Variants in GPC5 observed in about 807,000 individuals in gnomAD.
GPC5 encodes the protein glypican-5.
In GPC5, 47 loss-of-function variants were observed where a neutral mutation model predicts 53.9. The observed-to-expected ratio is 0.87, with a 90% CI of 0.69 to 1.11. The LOEUF (loss-of-function observed/expected upper bound fraction) is 1.11. GPC5 is among the 50% of genes most tolerant of loss of function. GPC5 has a pLI of 0.00. For missense variants in GPC5, 748 were observed against 713.1 expected, an observed-to-expected ratio of 1.05 and a Z score of -0.56; for synonymous variants, 286 against 263.3, an observed-to-expected ratio of 1.09 and a Z score of -0.84.
chr13:92,549,875 A>G (rs1882247764), intron 7 of GPC5, among the ~76,000 whole-genome samples: 1 of 98,782 alleles, frequency 1.0e-5, no homozygotes, highest in Non-Finnish European at 2.1e-5. Context: ...CTTTTACCAA[A>G]CACACACATA....
At chr13:92,550,123 AT>A (rs1882262618) in intron 7 of GPC5, among the ~76,000 whole-genome samples, 1 of 151,866 alleles carries the variant, frequency 6.6e-6, no homozygotes, top group East Asian at 1.9e-4. Flanking sequence ...TGAAATTTTT[AT>A]TTCTACATGT....
At chr13:91,808,754 T>TTGG (rs2038263385) in intron 5 of GPC5, among the ~76,000 whole-genome samples, 2 of 152,258 alleles carry the variant, frequency 1.3e-5, no homozygotes, top group Admixed American at 1.3e-4. Context: ...ACACGGCTTG[T>TTGG]CATTGGAGGA....
At chr13:91,909,991 A>G (rs1243492771) in intron 6 of GPC5, among the ~76,000 whole-genome samples, 1 of 152,132 alleles carries the variant, frequency 6.6e-6, no homozygotes, top group Non-Finnish European at 1.5e-5. Flanking sequence ...ATTCATGCTT[A>G]AGTTTCATTC....
intron 7 of GPC5, among the ~76,000 whole-genome samples, chr13:92,822,221 A>T (rs1250447936): frequency 1.3e-5 from 2 of 152,146 alleles, no homozygotes; most frequent in Non-Finnish European, 2.9e-5. Context: ...CTGTCAAATT[A>T]TAACTATGCA....
intron 6 of GPC5, among the ~76,000 whole-genome samples, chr13:92,054,098 T>C (rs992326035): frequency 5.3e-5 from 8 of 151,440 alleles, no homozygotes; most frequent in African/African-American, 9.7e-5. Flanking sequence ...GAGGCAGGAA[T>C]GGAGAAGACA....
chr13:92,366,754 G>GA (rs199867372), intron 7 of GPC5, among the ~76,000 whole-genome samples: 2,107 of 152,170 alleles, frequency 0.014, 49 homozygotes, highest in African/African-American at 0.048. Flanking sequence ...CTACACTTAA[G>GA]AAAAAATGTC....
At chr13:92,020,427 AT>A (rs1384204648) in intron 6 of GPC5, among the ~76,000 whole-genome samples, 1 of 152,084 alleles carries the variant, frequency 6.6e-6, no homozygotes, top group African/African-American at 2.4e-5. Context: ...ACCAATTTAC[AT>A]TCTCACCAAC....
chr13:92,054,883 C>CT, intron 6 of GPC5, among the ~76,000 whole-genome samples: 1 of 152,138 alleles, frequency 6.6e-6, no homozygotes, highest in East Asian at 1.9e-4. Flanking sequence ...ATTTCTAATT[C>CT]TTTTTGGAGA....
At chr13:91,913,140 C>G (rs2039625588) in intron 6 of GPC5, among the ~76,000 whole-genome samples, 1 of 152,078 alleles carries the variant, frequency 6.6e-6, no homozygotes, top group African/African-American at 2.4e-5. Flanking sequence ...GTGGCTCACA[C>G]CTGTAATCCC....
chr13:91,984,500 T>G (rs79826418), intron 6 of GPC5, among the ~76,000 whole-genome samples: 4,294 of 152,274 alleles, frequency 0.028, 201 homozygotes, highest in African/African-American at 0.097. Flanking sequence ...AGGGTTGTAC[T>G]GCAAAGAGCA....
intron 7 of GPC5, among the ~76,000 whole-genome samples, chr13:92,402,228 C>T (rs1161839755): frequency 1.3e-5 from 2 of 152,132 alleles, no homozygotes; most frequent in Non-Finnish European, 2.9e-5. Flanking sequence ...TTGAGATCAA[C>T]CGTCACTTAT....
intron 7 of GPC5, among the ~76,000 whole-genome samples, chr13:92,492,550 A>G (rs1381166282): frequency 6.6e-6 from 1 of 152,092 alleles, no homozygotes; most frequent in East Asian, 1.9e-4. Flanking sequence ...TAAAAATAAA[A>G]CAAAACAAAA....
intron 7 of GPC5, among the ~76,000 whole-genome samples, chr13:92,815,428 G>A (rs1398283399): frequency 6.6e-6 from 1 of 151,996 alleles, no homozygotes; most frequent in Non-Finnish European, 1.5e-5. Context: ...ATTAGAGGAA[G>A]AGCGAGGGGT....
chr13:91,887,460 C>G (rs997262691), intron 5 of GPC5, among the ~76,000 whole-genome samples: 8 of 152,192 alleles, frequency 5.3e-5, no homozygotes, highest in Non-Finnish European at 1.0e-4. Context: ...ACATTTGGAT[C>G]CTTGGATCCT....
At chr13:91,870,240 G>C (rs1482455958) in intron 5 of GPC5, among the ~76,000 whole-genome samples, 1 of 152,122 alleles carries the variant, frequency 6.6e-6, no homozygotes, top group African/African-American at 2.4e-5. Flanking sequence ...ATGCACCGTA[G>C]AGTATGAAAT....
chr13:91,821,741 GCTAA>G (rs1486206733), intron 5 of GPC5, among the ~76,000 whole-genome samples: 4 of 152,042 alleles, frequency 2.6e-5, no homozygotes, highest in Non-Finnish European at 5.9e-5. Flanking sequence ...ATTAATGGAT[GCTAA>G]CTAATCATCA....
intron 2 of GPC5, among the ~76,000 whole-genome samples, chr13:91,610,042 T>C (rs906125068): frequency 6.6e-6 from 1 of 152,188 alleles, no homozygotes; most frequent in Non-Finnish European, 1.5e-5. Flanking sequence ...CAGTTTACCA[T>C]GTGTGGTGTC....
chr13:92,851,168 A>T (rs529359416), intron 7 of GPC5, among the ~76,000 whole-genome samples: 1 of 152,302 alleles, frequency 6.6e-6, no homozygotes, highest in Non-Finnish European at 1.5e-5. Flanking sequence ...ATCATGACAC[A>T]GTACCAAGGG....
intron 7 of GPC5, among the ~76,000 whole-genome samples, chr13:92,656,925 C>T (rs1210383029): frequency 6.6e-6 from 1 of 152,174 alleles, no homozygotes; most frequent in Non-Finnish European, 1.5e-5. Flanking sequence ...GAGCTATGCT[C>T]TCACACCGCA....
Sources: gnomAD v4.1 joint callset for allele counts (sites outside exome capture counted in the v4.1 genomes callset) on GRCh38, gnomAD v4.1.1 for gene constraint, MANE v1.5 for transcripts, NCBI Gene and HGNC (gene_info 2026-07-23, HGNC 2026-07-21) for gene names.